The following LAMA2 variants were observed in gnomAD, a reference collection of about 807,000 sequenced individuals.
LAMA2 encodes laminin subunit alpha-2.
A neutral mutation model predicts 364.8 loss-of-function variants in LAMA2; 269 were observed. The observed-to-expected ratio is 0.74, with a 90% CI of 0.67 to 0.82. The LOEUF is 0.82. Ranked by LOEUF, LAMA2 falls within the 40% of genes least tolerant of loss-of-function variation. The pLI is 0.00. For missense variants in LAMA2, 3,807 were observed against 3,873.2 expected, an observed-to-expected ratio of 0.98 and a Z score of 0.45; for synonymous variants, 1,379 against 1,370.6, an observed-to-expected ratio of 1.01 and a Z score of -0.14.
intron 3 of LAMA2, among the ~76,000 whole-genome samples, chr6:129,073,296 T>A (rs1348148646): frequency 6.6e-6 from 1 of 151,930 alleles, no homozygotes; most frequent in Non-Finnish European, 1.5e-5. Flanking sequence ...TTGAAGGCTA[T>A]TTTTTTTAAT....
At chr6:129,342,946 A>G (rs1225979339) in intron 30 of LAMA2, among the ~76,000 whole-genome samples, 2 of 152,112 alleles carry the variant, frequency 1.3e-5, no homozygotes, top group Non-Finnish European at 2.9e-5. Context: ...CAGGTGACTT[A>G]TTGTTATGCT....
chr6:128,897,964 G>A (rs1562808060), intron 1 of LAMA2, among the ~76,000 whole-genome samples: 1 of 152,204 alleles, frequency 6.6e-6, no homozygotes, highest in Admixed American at 6.5e-5. Flanking sequence ...CTTGCTGGCT[G>A]AGTGCTGTTG....
At chr6:129,117,391 G>C (rs945497688) in intron 4 of LAMA2, among the ~76,000 whole-genome samples, 14 of 152,166 alleles carry the variant, frequency 9.2e-5, no homozygotes, top group Non-Finnish European at 1.3e-4. Context: ...TTAATTCTGT[G>C]CTTTTGGGAT....
At chr6:129,033,791 G>A (rs1786406770) in intron 1 of LAMA2, among the ~76,000 whole-genome samples, 1 of 152,084 alleles carries the variant, frequency 6.6e-6, no homozygotes, top group Non-Finnish European at 1.5e-5. Flanking sequence ...AGTGAGGTTG[G>A]AAGAAGCTTG....
chr6:129,503,610 T>A (rs1187903336), intron 60 of LAMA2, among the ~76,000 whole-genome samples: 1 of 152,240 alleles, frequency 6.6e-6, no homozygotes, highest in African/African-American at 2.4e-5. Flanking sequence ...GTGTTCACCA[T>A]CAAGCTCGAT....
intron 1 of LAMA2, among the ~76,000 whole-genome samples, chr6:128,983,847 G>T (rs1300089336): frequency 6.6e-6 from 1 of 152,186 alleles, no homozygotes; most frequent in African/African-American, 2.4e-5. Context: ...AGTGGAGGGA[G>T]TGGAAATGAA....
chr6:129,153,399 T>C (rs1778927216), intron 7 of LAMA2, among the ~76,000 whole-genome samples: 1 of 152,158 alleles, frequency 6.6e-6, no homozygotes, highest in Admixed American at 6.6e-5. Context: ...CACACCCACA[T>C]CCAAGACAGT....
chr6:129,200,342 A>ATGTGTACACATATACATATACACGTG (rs1562324538), intron 12 of LAMA2, among the ~76,000 whole-genome samples: 3 of 121,186 alleles, frequency 2.5e-5, no homozygotes, highest in African/African-American at 8.5e-5. Context: ...ATATACACGT[A>ATGTGTACACATATACATATACACGTG]TATGTGTACA....
In LAMA2 at chr6:129,306,855, A is replaced by T. The variant is rs192162202; in HGVS notation, c.3174+5983A>T. Among the ~76,000 whole-genome samples, 660 of 151,774 alleles carry T rather than the reference A, an allele frequency of 4.3e-3. 6 individuals are homozygous for T. The highest frequency in any genetic ancestry group is 0.014 in the African/African-American group (568 of 41,416). The stretch of plus-strand genomic sequence containing the variant: ...CTACTATACTCACATTTTTTCATTT[A>T]TTCTTGAAAATATAATGTTTATAAA... On this transcript the variant is annotated intron_variant, in intron 22 of 64. Transcript: ENST00000421865.
chr6:129,191,595 G>A (rs1781526596), intron 11 of LAMA2, among the ~76,000 whole-genome samples: 1 of 152,182 alleles, frequency 6.6e-6, no homozygotes, highest in South Asian at 2.1e-4. Context: ...TGCCTCAAGG[G>A]TGACGTTAGA....
chr6:129,127,557 G>T (rs577605110), intron 4 of LAMA2, among the ~76,000 whole-genome samples: 6 of 152,110 alleles, frequency 3.9e-5, no homozygotes, highest in African/African-American at 1.4e-4. Context: ...TTGCTAGATC[G>T]CATCGTGATT....
chr6:129,474,566 C>A (rs183289299), intron 52 of LAMA2, among the ~76,000 whole-genome samples: 1 of 152,190 alleles, frequency 6.6e-6, no homozygotes, highest in Non-Finnish European at 1.5e-5. Flanking sequence ...AGGCTCCATA[C>A]CAAATACTAG....
chr6:129,330,558 G>A (rs2501465), intron 29 of LAMA2, among the ~76,000 whole-genome samples: 2 of 145,586 alleles, frequency 1.4e-5, no homozygotes, highest in African/African-American at 5.1e-5. Flanking sequence ...TGCCTCTCTG[G>A]TCTCCATTTG....
At chr6:128,921,933 C>G (rs1582683934) in intron 1 of LAMA2, among the ~76,000 whole-genome samples, 1 of 144,698 alleles carries the variant, frequency 6.9e-6, no homozygotes, top group Non-Finnish European at 1.5e-5. Context: ...GTTCAATTCC[C>G]ACCTATGAGT....
rs754936251 is a variant in LAMA2 at position 129,464,494 on chromosome 6, C to T, written c.7155+42C>T. The stretch of plus-strand genomic sequence containing the variant: ...TAGCAGAGTTTCCGTGACTAAAATG[C>T]GTTTGCTTCTTTTATCAGTTATTGG... On this transcript the variant is annotated intron_variant, in intron 50 of 64. Transcript: ENST00000421865. 1.8e-4 allele frequency: 268 copies of T among 1,502,932 alleles called. 1 individual carries two copies. Among genetic ancestry groups the T allele is most frequent in the Non-Finnish European group, 2.2e-4 (241 of 1,079,284 alleles). 93.1% of individuals were successfully genotyped at this position (1,502,932 alleles called of 1,614,324 possible).
At chr6:129,208,708 G>A (rs1782874092) in intron 12 of LAMA2, among the ~76,000 whole-genome samples, 1 of 113,336 alleles carries the variant, frequency 8.8e-6, no homozygotes, top group Non-Finnish European at 1.8e-5. Context: ...AGGAAGGAAG[G>A]AAAAGGGAGG....
intron 1 of LAMA2, among the ~76,000 whole-genome samples, chr6:128,939,406 G>T (rs1435227605): frequency 1.3e-5 from 2 of 151,708 alleles, no homozygotes. Context: ...ATGAAAGCAT[G>T]AATTTATAAC....
At position 129,175,116 on chromosome 6, in the gene LAMA2, G is replaced by A. The variant is rs144271363; in HGVS notation, c.1307-2590G>A. On this transcript the variant is annotated intron_variant, in intron 9 of 64. Transcript: ENST00000421865. ...GTCTATTGGGTAATCTATTAGAAAC[G>A]AACTTACTAATATCAAACAATATTT... 1.0e-3 allele frequency among the ~76,000 whole-genome samples: 155 copies of A among 152,148 alleles called. 1 individual carries two copies. Among genetic ancestry groups the A allele is most frequent in the African/African-American group, 3.4e-3 (141 of 41,492 alleles).
chr6:129,203,902 C>T (rs188231843), intron 12 of LAMA2, among the ~76,000 whole-genome samples: 1 of 152,260 alleles, frequency 6.6e-6, no homozygotes, highest in East Asian at 1.9e-4. Flanking sequence ...ACAAAGCTCT[C>T]GAAAATGTCC....
Sources: gnomAD v4.1 joint callset for allele counts (sites outside exome capture counted in the v4.1 genomes callset) on GRCh38, gnomAD v4.1.1 for gene constraint, MANE v1.5 for transcripts, NCBI Gene and HGNC (gene_info 2026-07-23, HGNC 2026-07-21) for gene names.